Variants in EYA4 observed in about 807,000 individuals in gnomAD.
EYA4 encodes protein phosphatase EYA4.
Under a neutral mutation model 87.9 loss-of-function variants are expected in EYA4, and 31 were observed. The observed-to-expected ratio is 0.35, with a 90% CI of 0.27 to 0.48. The LOEUF is 0.48. Ranked by LOEUF, EYA4 falls within the 20% of genes least tolerant of loss-of-function variation. The pLI is 0.99. For synonymous variants in EYA4, 263 were observed against 270.6 expected (o/e 0.97, Z 0.28); for missense variants, 678 against 761.4 (o/e 0.89, Z 1.29).
chr6:133,258,928 A>G (rs1293100697), intron 1 of EYA4, among the ~76,000 whole-genome samples: 1 of 152,208 alleles, frequency 6.6e-6, no homozygotes, highest in African/African-American at 2.4e-5. Context: ...TCAAAGGTGC[A>G]TTCTTGCTGC....
intron 1 of EYA4, among the ~76,000 whole-genome samples, chr6:133,261,253 AATG>A (rs1430231618): frequency 6.6e-6 from 1 of 152,210 alleles, no homozygotes; most frequent in Admixed American, 6.5e-5. Context: ...GTGTTGTTGC[AATG>A]ATATCACATG....
At chr6:133,422,077 A>G (rs937759519) in intron 3 of EYA4, among the ~76,000 whole-genome samples, 2 of 152,192 alleles carry the variant, frequency 1.3e-5, no homozygotes, top group Non-Finnish European at 2.9e-5. Flanking sequence ...TGATATTGCA[A>G]ACAGACAACA....
chr6:133,359,039 T>G (rs1784277049), intron 2 of EYA4, among the ~76,000 whole-genome samples: 1 of 152,194 alleles, frequency 6.6e-6, no homozygotes, highest in African/African-American at 2.4e-5. Flanking sequence ...AAAGGCCCTT[T>G]TTGTTTTCAA....
chr6:133,262,025 G>T (rs1775835313), intron 1 of EYA4, among the ~76,000 whole-genome samples: 1 of 152,012 alleles, frequency 6.6e-6, no homozygotes, highest in Non-Finnish European at 1.5e-5. Flanking sequence ...TCTTTATTTG[G>T]AATCACTAAA....
At chr6:133,268,781 G>A (rs1776440396) in intron 1 of EYA4, among the ~76,000 whole-genome samples, 2 of 152,156 alleles carry the variant, frequency 1.3e-5, no homozygotes. Flanking sequence ...GATTTGAGGG[G>A]AGGAACCAGT....
chr6:133,383,250 A>T (rs1562355771), intron 3 of EYA4, among the ~76,000 whole-genome samples: 1 of 152,192 alleles, frequency 6.6e-6, no homozygotes, highest in Non-Finnish European at 1.5e-5. Context: ...AAAACATTGC[A>T]TATCTAGGTA....
At chr6:133,312,516 A>G (rs990113191) in intron 2 of EYA4, among the ~76,000 whole-genome samples, 7 of 152,210 alleles carry the variant, frequency 4.6e-5, no homozygotes, top group Admixed American at 4.6e-4. Flanking sequence ...TGCCTAACTC[A>G]TTATGGTGAA....
intron 2 of EYA4, among the ~76,000 whole-genome samples, chr6:133,369,982 G>A (rs1030053230): frequency 6.6e-6 from 1 of 152,124 alleles, no homozygotes; most frequent in Non-Finnish European, 1.5e-5. Context: ...ACAGAAGGGC[G>A]TGGAAAGCCA....
rs1201373631 is a variant in EYA4, at chr6:133,530,695, A to G, written c.*1890A>G. Reference sequence around the variant, plus strand: ...TGCTAAGGCCATGTTTATATTGGGTAGAAAGATATTGAGATCCCAATTTTG... The same window carrying G: ...TGCTAAGGCCATGTTTATATTGGGTGGAAAGATATTGAGATCCCAATTTTG... On this transcript the variant is annotated 3_prime_UTR_variant, in exon 20 of 20. Coordinates refer to ENST00000355286, the MANE Select transcript of EYA4 (RefSeq NM_004100.5). The G allele has an allele frequency of 5.1e-6, 5 of 985,750 alleles. No homozygotes were observed. Among genetic ancestry groups the G allele is most frequent in the Non-Finnish European group, 6.0e-6 (5 of 829,878 alleles). The allele number at this position is 985,750 out of a possible 1,614,324, so 61.1% of individuals were successfully genotyped here.
intron 10 of EYA4, among the ~76,000 whole-genome samples, chr6:133,466,102 TAGA>T (rs1794815928): frequency 6.6e-6 from 1 of 152,126 alleles, no homozygotes; most frequent in Non-Finnish European, 1.5e-5. Flanking sequence ...CCCTGCTCTT[TAGA>T]AGGATTCAGT....
intron 2 of EYA4, among the ~76,000 whole-genome samples, chr6:133,358,755 T>C (rs1379492664): frequency 6.6e-6 from 1 of 151,964 alleles, no homozygotes; most frequent in Non-Finnish European, 1.5e-5. Flanking sequence ...ACATACAGAG[T>C]GTATGAACTA....
chr6:133,419,827 C>T (rs1790065379), intron 3 of EYA4, among the ~76,000 whole-genome samples: 1 of 152,192 alleles, frequency 6.6e-6, no homozygotes, highest in South Asian at 2.1e-4. Context: ...CTTCATCTTG[C>T]ATCTGTGGTG....
Position 133,520,117 on chromosome 6 carries a change from G to A in EYA4, c.1617-2939G>A, listed in dbSNP as rs552089974. 8.8e-3 allele frequency among the ~76,000 whole-genome samples: 1,331 copies of A among 151,994 alleles called. 21 individuals carry two copies. The highest frequency in any genetic ancestry group is 0.031 in the African/African-American group (1,273 of 41,476). On this transcript the variant is annotated intron_variant, in intron 17 of 19. Coordinates refer to ENST00000355286, the MANE Select transcript of EYA4 (RefSeq NM_004100.5). ...TCTCACCACTCCTATTCAACATAGT[G>A]TTGGAAGTTCTGGCCAGGGCAATTA...
intron 1 of EYA4, among the ~76,000 whole-genome samples, chr6:133,261,231 T>C (rs1582776477): frequency 6.6e-6 from 1 of 152,346 alleles, no homozygotes; most frequent in Middle Eastern, 3.4e-3. Context: ...TTGTCAGAAA[T>C]CTGAAGTAGA....
At chr6:133,353,857 C>T (rs1783816470) in intron 2 of EYA4, among the ~76,000 whole-genome samples, 2 of 152,112 alleles carry the variant, frequency 1.3e-5, no homozygotes, top group Admixed American at 6.5e-5. Flanking sequence ...TTCATTTCTG[C>T]CATTCACAGT....
chr6:133,462,907 A>G (rs1794523742), intron 9 of EYA4, 143 bp downstream of exon 9: 1 of 794,008 alleles, frequency 1.3e-6, no homozygotes, highest in Non-Finnish European at 2.1e-6. Flanking sequence ...AGATAACTAG[A>G]CAGAAACACG....
At chr6:133,300,879 C>T (rs936681534) in intron 2 of EYA4, among the ~76,000 whole-genome samples, 4 of 152,056 alleles carry the variant, frequency 2.6e-5, no homozygotes, top group South Asian at 2.1e-4. Flanking sequence ...TTTTAATGAG[C>T]GCAATAGTTA....
At chr6:133,273,099 A>ATATATATATATATATATT (rs1776862851) in intron 1 of EYA4, among the ~76,000 whole-genome samples, 1 of 80,046 alleles carries the variant, frequency 1.2e-5, no homozygotes, top group African/African-American at 7.7e-5. Flanking sequence ...ATATATATGT[A>ATATATATATATATATATT]TATATATATA....
chr6:133,502,727 C>T (rs917132481), intron 13 of EYA4: 3 of 151,610 alleles, frequency 2.0e-5, no homozygotes, highest in Non-Finnish European at 2.9e-5. Context: ...GTAAGCCTGC[C>T]CCAGACATTC....
Sources: gnomAD v4.1 joint callset for allele counts (sites outside exome capture counted in the v4.1 genomes callset) on GRCh38, gnomAD v4.1.1 for gene constraint, MANE v1.5 for transcripts, NCBI Gene and HGNC (gene_info 2026-07-23, HGNC 2026-07-21) for gene names.